Variants in GABRA5 observed in about 807,000 individuals in gnomAD.
The protein encoded by GABRA5 is gamma-aminobutyric acid type A receptor subunit alpha5, also known as gamma-aminobutyric acid receptor subunit alpha-5.
GABRA5 carries 18 observed loss-of-function variants against 47.3 expected under a neutral mutation model. The ratio of observed to expected loss-of-function variants is 0.38; its 90% CI spans 0.26 to 0.56. The LOEUF (loss-of-function observed/expected upper bound fraction) is 0.56, where lower values mean the gene tolerates loss of function less well. Among genes scored for constraint, GABRA5 ranks in the 20% least tolerant of loss-of-function variants. The probability of loss-of-function intolerance (pLI) is 0.71; values close to 1 mark genes in which losing one functional copy is unlikely to be tolerated. For synonymous variants in GABRA5, 237 were observed against 229.3 expected, an observed-to-expected ratio of 1.03 and a Z score of -0.30; for missense variants, 365 against 599.3, an observed-to-expected ratio of 0.61 and a Z score of 4.08.
In GABRA5 at chr15:26,883,650, T is replaced by A; in HGVS notation, c.497+93T>A. On this transcript the variant is annotated intron_variant, in intron 6 of 10. Transcript: ENST00000335625. The surrounding 1 kb of genome is among the most constrained non-coding windows in gnomAD (Gnocchi z 4.8). ...CGCAAGAGCTGCGCCGCGGAGCTGT[T>A]CTGACCATAGGTCTGAGACTGCGGC... The A allele has an allele frequency of 1.9e-6, 2 of 1,041,706 alleles. No individual in the cohort carries two copies. Among genetic ancestry groups the A allele is most frequent in the Non-Finnish European group, 2.7e-6 (2 of 743,516 alleles). The allele number at this position is 1,041,706 out of a possible 1,614,324, so 64.5% of individuals were successfully genotyped here.
At position 26,910,920 on chromosome 15, in the gene GABRA5, C is replaced by T. The variant is rs576318717; in HGVS notation, c.498-3883C>T. Among the ~76,000 whole-genome samples the T allele has an allele frequency of 2.0e-5, 3 of 152,192 alleles. No individual in the cohort carries two copies. The South Asian group carries it at 6.2e-4, about 32-fold the overall frequency. ...CCTTGATCTCAGCTCTGTGTGGAGG[C>T]GGCTGGTTCCACATCAAAGCATTCC... On this transcript the variant is annotated intron_variant, in intron 6 of 10. Transcript: ENST00000335625.
chr15:26,908,717 G>A (rs993419034), intron 6 of GABRA5, among the ~76,000 whole-genome samples: 9 of 152,102 alleles, frequency 5.9e-5, no homozygotes, highest in Non-Finnish European at 7.4e-5. Flanking sequence ...TGAGAGTCAC[G>A]GGTAGCATCT....
In GABRA5 at chr15:26,890,426, A is replaced by ATTTTTTTTTTTTTTTT. The variant is rs201726196; in HGVS notation, c.497+6872_497+6887dup. 6.7e-4 allele frequency among the ~76,000 whole-genome samples: 86 copies of ATTTTTTTTTTTTTTTT among 128,570 alleles called. 2 individuals carry two copies. Among genetic ancestry groups the ATTTTTTTTTTTTTTTT allele is most frequent in the African/African-American group, 1.9e-3 (58 of 31,222 alleles). The allele number at this position is 128,570 out of a possible 152,430, so 84.3% of individuals were successfully genotyped here. ...CATCTCAAGATTTGTAGTCACTTCAATTTTTTTTTTTTTTTTTTGCTTTGG... is the reference window on the plus strand; with the variant it reads ...CATCTCAAGATTTGTAGTCACTTCAATTTTTTTTTTTTTTTTTTTTTTTTTTTTTTTTTTGCTTTGG... On this transcript the variant is annotated intron_variant, in intron 6 of 10. Coordinates refer to ENST00000335625, the MANE Select transcript of GABRA5 (RefSeq NM_000810.4).
At chr15:26,911,838 G>A (rs1457927372) in intron 6 of GABRA5, among the ~76,000 whole-genome samples, 2 of 152,140 alleles carry the variant, frequency 1.3e-5, no homozygotes, top group African/African-American at 4.8e-5. Context: ...AGACCCAGTG[G>A]GAAACTGAGT....
chr15:26,872,240 G>C (rs948583764), intron 3 of GABRA5, among the ~76,000 whole-genome samples: 1 of 152,058 alleles, frequency 6.6e-6, no homozygotes, highest in Non-Finnish European at 1.5e-5. Context: ...CTACCACAAC[G>C]TGGAGCACCT....
At chr15:26,919,264 G>T (rs1163260901) in intron 7 of GABRA5, among the ~76,000 whole-genome samples, 1 of 152,094 alleles carries the variant, frequency 6.6e-6, no homozygotes, top group Non-Finnish European at 1.5e-5. Flanking sequence ...TGATTGGGAA[G>T]GATTCACTAT....
At chr15:26,908,400 G>A (rs546528980) in intron 6 of GABRA5, among the ~76,000 whole-genome samples, 44 of 152,244 alleles carry the variant, frequency 2.9e-4, no homozygotes, top group African/African-American at 8.7e-4. Flanking sequence ...GCACAGACTT[G>A]CAGCTATGAG....
At chr15:26,868,598 G>A (rs542284714) in intron 1 of GABRA5, 131 bp from the exon 2 acceptor site, 1 of 152,536 alleles carries the variant, frequency 6.6e-6, no homozygotes, top group Non-Finnish European at 1.5e-5. Flanking sequence ...CTTAAGTTAT[G>A]TAGTCACGGG....
intron 6 of GABRA5, among the ~76,000 whole-genome samples, chr15:26,885,073 G>A (rs1448414670): frequency 1.3e-5 from 2 of 152,066 alleles, no homozygotes; most frequent in African/African-American, 2.4e-5. Context: ...GAGGCGGGAG[G>A]ATCACGAGAT....
At chr15:26,916,488 T>C (rs558665343) in intron 7 of GABRA5, among the ~76,000 whole-genome samples, 8 of 152,300 alleles carry the variant, frequency 5.3e-5, no homozygotes, top group African/African-American at 1.9e-4. Context: ...CTTTGTAACA[T>C]ATTTTGGAGT....
At chr15:26,869,772 T>A (rs1373571027) in intron 3 of GABRA5, among the ~76,000 whole-genome samples, 1 of 152,226 alleles carries the variant, frequency 6.6e-6, no homozygotes, top group Non-Finnish European at 1.5e-5. Context: ...TACTTGGCAT[T>A]GAAAAGGACT....
chr15:26,948,195 A>G lies in GABRA5; in HGVS notation c.1351A>G (p.Arg451Gly). The change falls in exon 11 of 11, where the codon AGG becomes GGG. Residue 451 changes from arginine to glycine, a missense_variant. Physicochemically the swap from Arg to Gly is moderately radical, Grantham distance 125. Coordinates refer to ENST00000335625, the MANE Select transcript of GABRA5 (RefSeq NM_000810.4). ...AGTTTACTGGGCAACGTATTTGAAT[A>G]GGGAGCCGGTGATAAAAGGAGCCGC... is the stretch of plus-strand genomic sequence containing the variant. ...NLVYWATYLN[R>G]EPVIKGAASP... 6.2e-7 allele frequency: 1 copy of G among 1,613,522 alleles called. No individual in the cohort carries two copies. Among genetic ancestry groups the G allele is most frequent in the Non-Finnish European group, 8.5e-7 (1 of 1,179,814 alleles).
At chr15:26,936,030 T>G (rs951250245) in intron 7 of GABRA5, among the ~76,000 whole-genome samples, 1 of 152,162 alleles carries the variant, frequency 6.6e-6, no homozygotes, top group Non-Finnish European at 1.5e-5. Flanking sequence ...ATGGGGGCAA[T>G]TCCCCCATGC....
chr15:26,940,102 G>A, intron 9 of GABRA5, 25 bp downstream of exon 9: 1 of 1,593,394 alleles, frequency 6.3e-7, no homozygotes, highest in Non-Finnish European at 8.6e-7. Flanking sequence ...GCCAGGCCTG[G>A]ACACTGGTGT....
intron 6 of GABRA5, among the ~76,000 whole-genome samples, chr15:26,904,375 A>G (rs1595412952): frequency 1.3e-5 from 2 of 152,222 alleles, no homozygotes; most frequent in African/African-American, 4.8e-5. Flanking sequence ...CATCTGTAGT[A>G]TAGTTTGAAG....
intron 7 of GABRA5, among the ~76,000 whole-genome samples, chr15:26,934,634 A>T (rs950847254): frequency 3.6e-5 from 5 of 137,972 alleles, no homozygotes; most frequent in African/African-American, 1.4e-4. Flanking sequence ...CCACTTTGTC[A>T]TCAGTGTATT....
intron 7 of GABRA5, among the ~76,000 whole-genome samples, chr15:26,929,991 C>CTTG (rs1894053259): frequency 1.5e-5 from 2 of 135,538 alleles, no homozygotes; most frequent in Admixed American, 7.8e-5. Context: ...CTTTCTTCTT[C>CTTG]TTCTTCTTCT....
intron 6 of GABRA5, among the ~76,000 whole-genome samples, chr15:26,911,607 T>A (rs541053627): frequency 3.4e-4 from 52 of 152,194 alleles, no homozygotes; most frequent in Admixed American, 1.2e-3. Flanking sequence ...GGAGGAGGAA[T>A]GAACCAGGAG....
intron 6 of GABRA5, among the ~76,000 whole-genome samples, chr15:26,909,690 T>C (rs1566876658): frequency 6.6e-6 from 1 of 152,216 alleles, no homozygotes; most frequent in Admixed American, 6.5e-5. Context: ...CTGACACTCT[T>C]GTCTCCCTCT....
Sources: allele counts gnomAD v4.1 joint callset (sites outside exome capture counted in the v4.1 genomes callset), GRCh38; gene constraint gnomAD v4.1.1; non-coding constraint Gnocchi (gnomAD v3.1); transcripts MANE v1.5; gene names NCBI Gene and HGNC (gene_info 2026-07-23, HGNC 2026-07-21).